The following VWF variants were observed in gnomAD, a reference collection of about 807,000 sequenced individuals.
VWF encodes the protein von Willebrand factor.
A neutral mutation model predicts 308.6 loss-of-function variants in VWF; 176 were observed. The ratio of observed to expected loss-of-function variants is 0.57; its 90% CI spans 0.50 to 0.65. The LOEUF is 0.65. Ranked by LOEUF, VWF falls within the 30% of genes least tolerant of loss-of-function variation. The pLI is 0.00. For missense variants in VWF, 3,146 were observed against 3,648.2 expected (o/e 0.86, Z 3.55); for synonymous variants, 1,385 against 1,443.4 (o/e 0.96, Z 0.92).
At position 6,060,985 on chromosome 12, in the gene VWF, G is replaced by C. The variant is rs1944648852; in HGVS notation, c.1533+1969C>G. On this transcript the variant is annotated intron_variant, in intron 13 of 51. Coordinates refer to ENST00000261405, the MANE Select transcript of VWF (RefSeq NM_000552.5). The surrounding 1 kb of genome is among the most constrained non-coding windows in gnomAD (Gnocchi z 5.1). ...GGAGGCTGAGGAGGGTGGATCATTT[G>C]AGGTCAGGAGTTCAAGACCAGCCTG... is the stretch of plus-strand genomic sequence containing the variant. Among the ~76,000 whole-genome samples, 1 of 152,216 alleles carries C rather than the reference G, an allele frequency of 6.6e-6. No homozygotes were observed. The highest frequency in any genetic ancestry group is 2.4e-5 in the African/African-American group (1 of 41,460).
chr12:6,106,282 C>T (rs1016230888), intron 5 of VWF, among the ~76,000 whole-genome samples: 15 of 152,042 alleles, frequency 9.9e-5, no homozygotes, highest in African/African-American at 3.4e-4. Flanking sequence ...TTCTGACATA[C>T]ACCACAACAT....
chr12:6,115,777 A>AC (rs1343362316), intron 3 of VWF, among the ~76,000 whole-genome samples: 1 of 152,122 alleles, frequency 6.6e-6, no homozygotes, highest in Non-Finnish European at 1.5e-5. Flanking sequence ...CCTGGTCTCT[A>AC]CCCACTAGAT....
chr12:6,019,870 C>A lies in VWF; in HGVS notation c.3675-127G>T, dbSNP rs1320325639. 2 of 1,085,898 alleles carry A rather than the reference C, an allele frequency of 1.8e-6. No individual in the cohort carries two copies. The highest frequency in any genetic ancestry group is 2.7e-6 in the Non-Finnish European group (2 of 738,852). 67.3% of individuals were successfully genotyped at this position (1,085,898 alleles called of 1,614,324 possible). On this transcript the variant is annotated intron_variant, in intron 27 of 51. Coordinates refer to ENST00000261405, the MANE Select transcript of VWF (RefSeq NM_000552.5). The surrounding 1 kb of genome is among the most constrained non-coding windows in gnomAD (Gnocchi z 5.8). ...TCTGTTCCACCTGAACTTGAGATCC[C>A]ATGGACCATTCCACATCCAAGTGAG...
chr12:6,051,321 T>A (rs2136448040), intron 16 of VWF, among the ~76,000 whole-genome samples: 1 of 146,870 alleles, frequency 6.8e-6, no homozygotes, highest in South Asian at 2.2e-4. Context: ...AGATAGAGTC[T>A]CGCTCTGTCA....
At chr12:6,093,198 C>T (rs1361422898) in intron 6 of VWF, among the ~76,000 whole-genome samples, 6 of 151,888 alleles carry the variant, frequency 4.0e-5, no homozygotes, top group African/African-American at 7.3e-5. Flanking sequence ...TAGAGGGTGT[C>T]GGGGCACAGC....
intron 43 of VWF, among the ~76,000 whole-genome samples, chr12:5,974,536 C>T (rs915844680): frequency 3.3e-5 from 5 of 152,158 alleles, no homozygotes; most frequent in African/African-American, 4.8e-5. Context: ...ACAGCGGACC[C>T]GATCCAAGGG....
At chr12:6,062,893 C>G in intron 13 of VWF, 61 bp downstream of exon 13, 1 of 1,392,346 alleles carries the variant, frequency 7.2e-7, no homozygotes. Flanking sequence ...CTACCCAGAG[C>G]ACAAGGGGTA....
At chr12:5,952,642 A>T in intron 48 of VWF, 123 bp from the exon 49 acceptor site, 1 of 1,365,364 alleles carries the variant, frequency 7.3e-7, no homozygotes. Flanking sequence ...ACAAGAAGAC[A>T]GTGTATAATA....
chr12:6,010,787 T>G (rs146689140), intron 34 of VWF, among the ~76,000 whole-genome samples: 1 of 152,192 alleles, frequency 6.6e-6, no homozygotes, highest in Non-Finnish European at 1.5e-5. Flanking sequence ...GCAGGCAGCC[T>G]AAATTGGAAC....
Position 6,058,183 on chromosome 12 carries a change from A to G in VWF, c.1534-139T>C. Reference sequence around the variant, plus strand: ...ATATGAATGTAATAAAAGGCAGCTAAGCCCTAGGCTGCAAAAGGGGGGGCG... The same window carrying G: ...ATATGAATGTAATAAAAGGCAGCTAGGCCCTAGGCTGCAAAAGGGGGGGCG... On this transcript the variant is annotated intron_variant, in intron 13 of 51. Coordinates refer to ENST00000261405, the MANE Select transcript of VWF (RefSeq NM_000552.5). This position sits in a 1 kb window ranked among gnomAD's most constrained non-coding sequence, Gnocchi z 4.9. The G allele has an allele frequency of 1.0e-6, 1 of 980,636 alleles. No individual in the cohort carries two copies. Among genetic ancestry groups the G allele is most frequent in the Non-Finnish European group, 1.5e-6 (1 of 674,650 alleles). 60.7% of individuals were successfully genotyped at this position (980,636 alleles called of 1,614,324 possible). A position where few individuals can be genotyped will look rare whatever the true frequency, so the allele number is the denominator to read the frequency against.
At chr12:5,951,711 A>C (rs1371528225) in intron 50 of VWF, 133 bp downstream of exon 50, 1 of 1,042,674 alleles carries the variant, frequency 9.6e-7, no homozygotes, top group Non-Finnish European at 1.5e-6. Context: ...GTCACGAAAT[A>C]TCTTTCTGAA....
chr12:6,089,748 A>C (rs774738274), intron 6 of VWF, among the ~76,000 whole-genome samples: 1 of 152,128 alleles, frequency 6.6e-6, no homozygotes, highest in Non-Finnish European at 1.5e-5. Context: ...AAATAAAATG[A>C]GACCAAAAAT....
rs938202820 is a variant in VWF, at chr12:5,981,921, C to A, written c.7152G>T (p.Arg2384=). The change falls in exon 42 of 52, where the codon CGG becomes CGT. Residue 2384 remains arginine, a synonymous_variant. Coordinates refer to ENST00000261405, the MANE Select transcript of VWF (RefSeq NM_000552.5). ...CATACTCATCACAGCACTGGGTCTTCCGAAGGGTGGGCAAACGGTGCGGGG... is the reference window on the plus strand; with the variant it reads ...CATACTCATCACAGCACTGGGTCTTACGAAGGGTGGGCAAACGGTGCGGGG... ...SCPPHRLPTL[R]KTQCCDEYEC... is the part of the protein sequence containing the mutation. 5.6e-6 allele frequency: 9 copies of A among 1,613,754 alleles called. No individual in the cohort carries two copies. The highest frequency in any genetic ancestry group is 5.9e-6 in the Non-Finnish European group (7 of 1,179,952).
At position 6,095,581 on chromosome 12, in the gene VWF, G is replaced by A; in HGVS notation, c.536C>T (p.Thr179Ile). 1.2e-6 allele frequency: 2 copies of A among 1,614,148 alleles called. No homozygotes were observed. Among genetic ancestry groups the A allele is most frequent in the Non-Finnish European group, 1.7e-6 (2 of 1,180,018 alleles). Residue 179 changes from threonine to isoleucine, a missense_variant, in exon 6 of 52, where the codon ACC (threonine) becomes ATC (isoleucine). This residue lies in a region of VWF where 1,304 missense variants were observed against 1,353.0 expected (regional missense o/e 0.96). Coordinates refer to ENST00000261405, the MANE Select transcript of VWF (RefSeq NM_000552.5). The part of the protein sequence containing the change: ...AEDDFMTQEG[T>I]LTSDPYDFAN... ...AAAGTCATAAGGGTCCGAGGTCAAG[G>A]TCCCTGTGGAGGAAAGTTTCAGGAA...
chr12:5,949,854 C>A lies in VWF; in HGVS notation c.8185G>T (p.Ala2729Ser). ...CCCACCTTGACATACTGCAGCCTGG[C>A]AGTGATGTCGTTGCACTCAGGCTCC... ...CEEPECNDIT[A>S]RLQYVKVGSC... Residue 2729 changes from alanine to serine, a missense_variant, in exon 51 of 52, where the codon GCC (alanine) becomes TCC (serine). By Grantham distance (99) the Ala-to-Ser change is moderately conservative. This residue lies in a region of VWF where 989 missense variants were observed against 1,117.4 expected (regional missense o/e 0.89). Coordinates refer to ENST00000261405, the MANE Select transcript of VWF (RefSeq NM_000552.5). The A allele has an allele frequency of 6.2e-7, 1 of 1,613,962 alleles. No homozygotes were observed. Among genetic ancestry groups the A allele is most frequent in the Non-Finnish European group, 8.5e-7 (1 of 1,180,008 alleles).
chr12:6,117,582 G>A (rs914989579), intron 3 of VWF, among the ~76,000 whole-genome samples: 11 of 152,310 alleles, frequency 7.2e-5, no homozygotes, highest in African/African-American at 2.4e-4. Context: ...AACCAAGGCC[G>A]AGGCGGGCGG....
At chr12:6,050,409 G>A (rs1232805350) in intron 16 of VWF, among the ~76,000 whole-genome samples, 1 of 152,102 alleles carries the variant, frequency 6.6e-6, no homozygotes, top group Admixed American at 6.5e-5. Flanking sequence ...CATACCTCAT[G>A]CAGCTCCCAA....
At position 6,034,794 on chromosome 12, in the gene VWF, T is replaced by G; in HGVS notation, c.2579A>C (p.Asp860Ala). 6.2e-7 allele frequency: 1 copy of G among 1,614,216 alleles called. No homozygotes were observed. Among genetic ancestry groups the G allele is most frequent in the Non-Finnish European group, 8.5e-7 (1 of 1,180,034 alleles). ...VCQDRKWNCT[D>A]HVCDATCSTI... ...GGAGCACGTGGCATCACACACATGGTCTGTGCAGTTCCACTTCCGGTCCTG... is the reference window on the plus strand; with the variant it reads ...GGAGCACGTGGCATCACACACATGGGCTGTGCAGTTCCACTTCCGGTCCTG... Residue 860 changes from aspartate to alanine, a missense_variant, in exon 20 of 52, where the codon GAC becomes GCC. Around this residue, in one of 3 missense-constraint regions of VWF, gnomAD observed 1,304 missense variants for 1,353.0 expected, o/e 0.96. Transcript: ENST00000261405.
intron 42 of VWF, among the ~76,000 whole-genome samples, chr12:5,979,796 C>G (rs987069911): frequency 6.7e-6 from 1 of 150,032 alleles, no homozygotes; most frequent in African/African-American, 2.5e-5. Context: ...AATCCCAGCA[C>G]CTTGGGAGGC....
Sources: allele counts gnomAD v4.1 joint callset (sites outside exome capture counted in the v4.1 genomes callset), GRCh38; gene constraint gnomAD v4.1.1; regional missense constraint gnomAD v4.1.1; non-coding constraint Gnocchi (gnomAD v3.1); transcripts MANE v1.5; gene names NCBI Gene and HGNC (gene_info 2026-07-23, HGNC 2026-07-21).